SUCLG2: variants seen among roughly 807,000 people sequenced by gnomAD.
The protein encoded by SUCLG2 is succinate-CoA ligase GDP-forming subunit beta.
Under a neutral mutation model 47.9 loss-of-function variants are expected in SUCLG2, and 42 were observed. That is an observed-to-expected ratio of 0.88 (90% CI 0.69 to 1.14). The LOEUF (loss-of-function observed/expected upper bound fraction) is 1.14, where lower values mean the gene tolerates loss of function less well. Among genes scored for constraint, SUCLG2 ranks in the 50% most tolerant of loss-of-function variants. The pLI is 0.00. For synonymous variants in SUCLG2, 195 were observed against 197.3 expected (o/e 0.99, Z 0.10); for missense variants, 571 against 525.9 (o/e 1.09, Z -0.84).
intron 9 of SUCLG2, among the ~76,000 whole-genome samples, chr3:67,434,902 T>A (rs896305826): frequency 6.6e-6 from 1 of 152,246 alleles, no homozygotes; most frequent in Non-Finnish European, 1.5e-5. Context: ...AGTTCTTAAA[T>A]GTGCATTCTT....
chr3:67,512,457 CT>C (rs1275919575), intron 6 of SUCLG2, among the ~76,000 whole-genome samples: 1 of 150,876 alleles, frequency 6.6e-6, no homozygotes, highest in Non-Finnish European at 1.5e-5. Context: ...TTGGCATCCA[CT>C]GTAGTGATAC....
intron 2 of SUCLG2, among the ~76,000 whole-genome samples, chr3:67,564,470 G>A (rs929215398): frequency 6.6e-6 from 1 of 152,178 alleles, no homozygotes; most frequent in Non-Finnish European, 1.5e-5. Context: ...GAAACAAAAC[G>A]CCACAGGTAT....
chr3:67,589,978 C>T, intron 2 of SUCLG2, among the ~76,000 whole-genome samples: 1 of 150,300 alleles, frequency 6.7e-6, no homozygotes, highest in Non-Finnish European at 1.5e-5. Context: ...CTTGATACAG[C>T]ATTACCTTGA....
intron 9 of SUCLG2, among the ~76,000 whole-genome samples, chr3:67,461,549 T>TCTAGTA (rs968762667): frequency 4.6e-5 from 7 of 151,674 alleles, no homozygotes; most frequent in African/African-American, 1.7e-4. Context: ...GGACCTTCCA[T>TCTAGTA]CTAGTACTAG....
At chr3:67,620,300 G>A (rs1305437697) in intron 1 of SUCLG2, among the ~76,000 whole-genome samples, 1 of 142,040 alleles carries the variant, frequency 7.0e-6, no homozygotes, top group Non-Finnish European at 1.5e-5. Flanking sequence ...CACACATGAT[G>A]AGGCCGGGTG....
At chr3:67,532,318 G>A (rs1575759352) in intron 2 of SUCLG2, among the ~76,000 whole-genome samples, 1 of 152,080 alleles carries the variant, frequency 6.6e-6, no homozygotes, top group South Asian at 2.1e-4. Flanking sequence ...TGTATTTTTA[G>A]CAGAGATGAG....
At chr3:67,381,278 A>C (rs893010011) in intron 10 of SUCLG2, among the ~76,000 whole-genome samples, 1 of 152,178 alleles carries the variant, frequency 6.6e-6, no homozygotes, top group Non-Finnish European at 1.5e-5. Context: ...AAGGAAGAAA[A>C]GAATTAGAGG....
At chr3:67,630,712 C>G (rs944198820) in intron 1 of SUCLG2, among the ~76,000 whole-genome samples, 3 of 152,188 alleles carry the variant, frequency 2.0e-5, no homozygotes, top group African/African-American at 7.2e-5. Flanking sequence ...TCTCCTTTTC[C>G]CAAAAGAATG....
chr3:67,644,679 C>T (rs1002941691), intron 1 of SUCLG2, among the ~76,000 whole-genome samples: 2 of 151,284 alleles, frequency 1.3e-5, no homozygotes, highest in Non-Finnish European at 2.9e-5. Flanking sequence ...TATTTTACTA[C>T]AATAATAAAT....
At chr3:67,538,148 C>T (rs1706598375) in intron 2 of SUCLG2, among the ~76,000 whole-genome samples, 1 of 152,142 alleles carries the variant, frequency 6.6e-6, no homozygotes, top group African/African-American at 2.4e-5. Context: ...TCTGCCCATG[C>T]CTATGTCCTG....
At chr3:67,563,440 C>T (rs1188976497) in intron 2 of SUCLG2, among the ~76,000 whole-genome samples, 1 of 152,086 alleles carries the variant, frequency 6.6e-6, no homozygotes, top group Non-Finnish European at 1.5e-5. Context: ...AAAAATGAGA[C>T]AGTGAGGATG....
intron 9 of SUCLG2, among the ~76,000 whole-genome samples, chr3:67,422,009 A>G (rs1450891768): frequency 6.6e-6 from 1 of 152,232 alleles, no homozygotes; most frequent in Admixed American, 6.5e-5. Flanking sequence ...TATATAGTAC[A>G]GTCCTTCAAG....
At position 67,508,792 on chromosome 3, in the gene SUCLG2, C is replaced by CTTT; in HGVS notation, c.757+12_757+14dup. On this transcript the variant is annotated intron_variant, in intron 7 of 10. Coordinates refer to ENST00000307227, the MANE Select transcript of SUCLG2 (RefSeq NM_003848.4). ...AATACATTCATTTGTTTTCTCAATTCTTTTTTTTTTTTACCTTGTCCTTCT... is the reference window on the plus strand; with the variant it reads ...AATACATTCATTTGTTTTCTCAATTCTTTTTTTTTTTTTTTACCTTGTCCTTCT... 8.1e-7 allele frequency: 1 copy of CTTT among 1,232,786 alleles called. No homozygotes were observed. The highest frequency in any genetic ancestry group is 1.1e-6 in the Non-Finnish European group (1 of 887,844). 76.4% of individuals were successfully genotyped at this position (1,232,786 alleles called of 1,614,324 possible).
intron 2 of SUCLG2, among the ~76,000 whole-genome samples, chr3:67,609,142 C>T (rs920241511): frequency 6.6e-6 from 1 of 152,206 alleles, no homozygotes; most frequent in African/African-American, 2.4e-5. Flanking sequence ...TTCTCCTACA[C>T]CCAGGCCATC....
At chr3:67,365,842 C>G (rs1372473459) in intron 10 of SUCLG2, among the ~76,000 whole-genome samples, 1 of 152,068 alleles carries the variant, frequency 6.6e-6, no homozygotes, top group Non-Finnish European at 1.5e-5. Context: ...GAAAACAAAA[C>G]TATAACGAAA....
chr3:67,395,695 C>T (rs151038672), intron 10 of SUCLG2, among the ~76,000 whole-genome samples: 10,970 of 152,206 alleles, frequency 0.072, 405 homozygotes, highest in Middle Eastern at 0.14. Context: ...CAGAACTCTC[C>T]ACCCCAAATC....
chr3:67,617,626 T>G (rs1476194448), intron 1 of SUCLG2, among the ~76,000 whole-genome samples: 1 of 152,166 alleles, frequency 6.6e-6, no homozygotes, highest in Non-Finnish European at 1.5e-5. Context: ...AACCAATTAA[T>G]TAGCCCCCTG....
At chr3:67,505,667 A>T (rs977204795) in intron 7 of SUCLG2, among the ~76,000 whole-genome samples, 1 of 152,168 alleles carries the variant, frequency 6.6e-6, no homozygotes, top group Non-Finnish European at 1.5e-5. Context: ...TTTCCTACAA[A>T]GAGGTGGGTA....
At chr3:67,654,242 G>C (rs1447910641) in intron 1 of SUCLG2, among the ~76,000 whole-genome samples, 1 of 152,254 alleles carries the variant, frequency 6.6e-6, no homozygotes, top group Non-Finnish European at 1.5e-5. Context: ...CCATGAGTCT[G>C]CGCGGGCAGA....
Sources: gnomAD v4.1 joint callset for allele counts (sites outside exome capture counted in the v4.1 genomes callset) on GRCh38, gnomAD v4.1.1 for gene constraint, MANE v1.5 for transcripts, NCBI Gene and HGNC (gene_info 2026-07-23, HGNC 2026-07-21) for gene names.